PTPRD: variants seen among roughly 807,000 people sequenced by gnomAD.
The protein encoded by PTPRD is receptor-type tyrosine-protein phosphatase delta.
Under a neutral mutation model 214.5 loss-of-function variants are expected in PTPRD, and 34 were observed. The ratio of observed to expected loss-of-function variants is 0.16; its 90% CI spans 0.12 to 0.21. PTPRD has a LOEUF of 0.21. Ranked by LOEUF, PTPRD falls within the 10% of genes least tolerant of loss-of-function variation. PTPRD has a pLI of 1.00. For missense variants in PTPRD, 2,545 were observed against 2,398.7 expected, an observed-to-expected ratio of 1.06 and a Z score of -1.27; for synonymous variants, 1,128 against 845.7, an observed-to-expected ratio of 1.33 and a Z score of -5.79.
chr9:10,286,075 GT>G (rs1377558120), intron 3 of PTPRD, among the ~76,000 whole-genome samples: 2 of 152,082 alleles, frequency 1.3e-5, no homozygotes, highest in Admixed American at 1.3e-4. Flanking sequence ...ATGTATGTTT[GT>G]GTTAAATATA....
chr9:10,564,856 G>C (rs1177766274), intron 2 of PTPRD, among the ~76,000 whole-genome samples: 1 of 151,964 alleles, frequency 6.6e-6, no homozygotes, highest in African/African-American at 2.4e-5. Context: ...TTTTATTTTT[G>C]GATATAGTCC....
At chr9:10,370,592 TTTGAA>T (rs962207192) in intron 2 of PTPRD, among the ~76,000 whole-genome samples, 54 of 152,198 alleles carry the variant, frequency 3.5e-4, no homozygotes, top group East Asian at 1.5e-3. Flanking sequence ...GAAAATACAT[TTTGAA>T]TTGAAGTCTT....
At chr9:8,501,917 A>T (rs1049819216) in intron 23 of PTPRD, among the ~76,000 whole-genome samples, 2 of 152,190 alleles carry the variant, frequency 1.3e-5, no homozygotes, top group Admixed American at 6.5e-5. Context: ...AATAATAATC[A>T]TTTATCCCTT....
chr9:9,132,183 A>G (rs1569550081), intron 10 of PTPRD, among the ~76,000 whole-genome samples: 1 of 151,736 alleles, frequency 6.6e-6, no homozygotes, highest in East Asian at 2.0e-4. Context: ...AATTTTTTGT[A>G]TTTTTTTGGT....
intron 3 of PTPRD, among the ~76,000 whole-genome samples, chr9:10,245,334 G>C (rs559607610): frequency 2.6e-5 from 4 of 152,176 alleles, no homozygotes; most frequent in Middle Eastern, 3.4e-3. Context: ...ATAGTGCGTA[G>C]GTAATCTGAT....
intron 12 of PTPRD, among the ~76,000 whole-genome samples, chr9:8,718,523 A>G (rs2098460076): frequency 6.6e-6 from 1 of 152,090 alleles, no homozygotes; most frequent in Non-Finnish European, 1.5e-5. Context: ...CTTACATCAA[A>G]TGAGTCATGC....
At chr9:9,171,495 G>T (rs2099917543) in intron 10 of PTPRD, among the ~76,000 whole-genome samples, 1 of 151,792 alleles carries the variant, frequency 6.6e-6, no homozygotes, top group African/African-American at 2.4e-5. Context: ...GGAAGTGATT[G>T]AAGGGGTCTT....
Position 10,218,119 on chromosome 9 carries a change from G to T in PTPRD, c.-545+122844C>A, listed in dbSNP as rs151017544. ...CTATTAGATTTTTATTAGTAAAGAA[G>T]AAAAACAGAGAGCCACTGCTTTTGG... On this transcript the variant is annotated intron_variant, in intron 3 of 45. Transcript: ENST00000381196. Among the ~76,000 whole-genome samples, 599 of 151,912 alleles carry T rather than the reference G, an allele frequency of 3.9e-3. 4 individuals carry two copies. Among genetic ancestry groups the T allele is most frequent in the African/African-American group, 0.012 (504 of 41,490 alleles).
rs999374148 is a variant in PTPRD at position 9,213,442 on chromosome 9, A to G, written c.-202-30079T>C. 1.3e-4 allele frequency among the ~76,000 whole-genome samples: 20 copies of G among 152,310 alleles called. No homozygotes were observed. In the Middle Eastern group the frequency reaches 0.01, roughly 78 times the overall value. ...TGTGAAAGTATTCTTTGCTAAATGC[A>G]ATACATTGTAATTAAATAAAATCAC... On this transcript the variant is annotated intron_variant, in intron 9 of 45. Transcript: ENST00000381196.
intron 8 of PTPRD, among the ~76,000 whole-genome samples, chr9:9,517,397 T>C (rs1000037051): frequency 7.9e-5 from 12 of 152,094 alleles, no homozygotes; most frequent in African/African-American, 2.4e-5. Context: ...GACATAGATA[T>C]ACTAAGCAGA....
At chr9:9,427,140 G>A (rs202045822) in intron 8 of PTPRD, among the ~76,000 whole-genome samples, 2 of 152,070 alleles carry the variant, frequency 1.3e-5, no homozygotes, top group Admixed American at 1.3e-4. Flanking sequence ...GTTTGAACCC[G>A]TTACAAAGAA....
At chr9:10,581,780 A>G (rs2071925866) in intron 2 of PTPRD, among the ~76,000 whole-genome samples, 1 of 152,190 alleles carries the variant, frequency 6.6e-6, no homozygotes, top group Non-Finnish European at 1.5e-5. Flanking sequence ...GGTATTAAAT[A>G]GAAATTAAAT....
chr9:8,335,843 A>G (rs577325963), intron 43 of PTPRD, among the ~76,000 whole-genome samples: 7 of 152,206 alleles, frequency 4.6e-5, no homozygotes, highest in South Asian at 2.1e-4. Context: ...CTATATACCA[A>G]TAACAGCCAA....
At chr9:8,608,055 C>T (rs551382147) in intron 14 of PTPRD, among the ~76,000 whole-genome samples, 1 of 152,218 alleles carries the variant, frequency 6.6e-6, no homozygotes, top group Non-Finnish European at 1.5e-5. Flanking sequence ...TCCGATAACC[C>T]AGTACACTGT....
At chr9:9,132,576 T>G (rs1010962008) in intron 10 of PTPRD, among the ~76,000 whole-genome samples, 1 of 152,216 alleles carries the variant, frequency 6.6e-6, no homozygotes, top group African/African-American at 2.4e-5. Flanking sequence ...GACACCTTCT[T>G]TGGAGACATA....
chr9:9,631,361 C>T (rs1325223028), intron 7 of PTPRD, among the ~76,000 whole-genome samples: 1 of 151,874 alleles, frequency 6.6e-6, no homozygotes, highest in Non-Finnish European at 1.5e-5. Flanking sequence ...ACATCATAGT[C>T]CTTATAATCT....
chr9:10,067,166 A>G (rs1251053103), intron 3 of PTPRD, among the ~76,000 whole-genome samples: 1 of 151,920 alleles, frequency 6.6e-6, no homozygotes, highest in Non-Finnish European at 1.5e-5. Context: ...AAAACAAAAT[A>G]ATCAAAATCC....
intron 14 of PTPRD, among the ~76,000 whole-genome samples, chr9:8,613,089 T>C (rs893059946): frequency 3.3e-5 from 5 of 152,242 alleles, no homozygotes; most frequent in Admixed American, 2.6e-4. Flanking sequence ...AAAAGACTTA[T>C]ATTTTACTTA....
At chr9:8,578,818 C>T (rs1482480205) in intron 14 of PTPRD, among the ~76,000 whole-genome samples, 1 of 152,124 alleles carries the variant, frequency 6.6e-6, no homozygotes, top group East Asian at 1.9e-4. Flanking sequence ...CTTTGCTTAC[C>T]ATTTTGATTA....
Sources: gnomAD v4.1 joint callset for allele counts (sites outside exome capture counted in the v4.1 genomes callset) on GRCh38, gnomAD v4.1.1 for gene constraint, MANE v1.5 for transcripts, NCBI Gene and HGNC (gene_info 2026-07-23, HGNC 2026-07-21) for gene names.